HIPK3: variants seen among roughly 807,000 people sequenced by gnomAD.
HIPK3 encodes the protein homeodomain interacting protein kinase 3, also known as homeodomain-interacting protein kinase 3.
HIPK3 carries 47 observed loss-of-function variants against 124.2 expected under a neutral mutation model. The observed-to-expected ratio is 0.38, with a 90% CI of 0.30 to 0.48. HIPK3 has a LOEUF of 0.48. HIPK3 is among the 20% of genes least tolerant of loss of function. The pLI, the probability that HIPK3 is intolerant of heterozygous loss-of-function variation, is 0.98. For missense variants in HIPK3, 1,286 were observed against 1,454.3 expected (o/e 0.88, Z 1.88); for synonymous variants, 482 against 515.2 (o/e 0.94, Z 0.87).
chr11:33,286,132 TTTG>T (rs1316234162), intron 1 of HIPK3, among the ~76,000 whole-genome samples: 1 of 152,198 alleles, frequency 6.6e-6, no homozygotes, highest in African/African-American at 2.4e-5. Context: ...TCAGTAAATA[TTTG>T]TTAAGTAATT....
intron 1 of HIPK3, among the ~76,000 whole-genome samples, chr11:33,272,035 G>A (rs1234917530): frequency 6.6e-6 from 1 of 152,196 alleles, no homozygotes; most frequent in Non-Finnish European, 1.5e-5. Flanking sequence ...CTCAAAAAAT[G>A]TGTCACTTAA....
At chr11:33,285,324 T>C (rs1009691355) in intron 1 of HIPK3, among the ~76,000 whole-genome samples, 2 of 130 alleles carry the variant, frequency 0.015, no homozygotes, top group African/African-American at 0.02. Context: ...ATTTCAAATA[T>C]TTTCCAATAT....
chr11:33,351,598 C>CT lies in HIPK3; in HGVS notation c.2808-5dup. On this transcript the variant is annotated splice_polypyrimidine_tract_variant and intron_variant, in intron 14 of 16. Coordinates refer to ENST00000303296, the MANE Select transcript of HIPK3 (RefSeq NM_005734.5). ...AAATATCACTCATAAAAAATGCTTT[C>CT]TTTTTGTAGTATGTCAGATGAAGAG... 6.2e-7 allele frequency: 1 copy of CT among 1,602,734 alleles called. No homozygotes were observed.
At chr11:33,310,806 G>T (rs1852314435) in intron 2 of HIPK3, among the ~76,000 whole-genome samples, 2 of 152,168 alleles carry the variant, frequency 1.3e-5, no homozygotes, top group African/African-American at 4.8e-5. Flanking sequence ...TCTTCCTCCA[G>T]AGAAAATGCA....
chr11:33,349,189 G>A lies in HIPK3; in HGVS notation c.2709G>A (p.Leu903=). 6.2e-7 allele frequency: 1 copy of A among 1,613,912 alleles called. No homozygotes were observed. Among genetic ancestry groups the A allele is most frequent in the Non-Finnish European group, 8.5e-7 (1 of 1,179,814 alleles). ...ATTGTGAAGCTTGCCAGAGCACTTT[G>A]AATATTGATCGGATGTGTTCATTAA... ...SLDCEACQST[L]NIDRMCSLSS... is the part of the protein sequence containing the mutation. The change falls in exon 14 of 17, where the codon TTG becomes TTA. Residue 903 remains leucine, a synonymous_variant. Transcript: ENST00000303296.
chr11:33,279,284 C>G lies in HIPK3; in HGVS notation c.-2-7129C>G, dbSNP rs201008556. Among the ~76,000 whole-genome samples, 5 of 141,424 alleles carry G rather than the reference C, an allele frequency of 3.5e-5. No homozygotes were observed. The East Asian group carries it at 1.0e-3, about 30-fold the overall frequency. The allele number at this position is 141,424 out of a possible 152,430, so 92.8% of individuals were successfully genotyped here. ...GAGCTGTGATCACGCTACTGCACTC[C>G]AGCACTCCAGCGCAGGCAACAGAGG... On this transcript the variant is annotated intron_variant, in intron 1 of 16. Coordinates refer to ENST00000303296, the MANE Select transcript of HIPK3 (RefSeq NM_005734.5).
At chr11:33,350,886 T>C (rs769304462) in intron 14 of HIPK3, among the ~76,000 whole-genome samples, 1 of 152,166 alleles carries the variant, frequency 6.6e-6, no homozygotes, top group Non-Finnish European at 1.5e-5. Context: ...GTTTGAAAAT[T>C]GATAATGTAC....
upstream of HIPK3, chr11:33,257,226 C>G (rs549997977): frequency 2.0e-4 from 195 of 983,458 alleles, 1 homozygote; most frequent in East Asian, 0.018. Flanking sequence ...GACTGGCGGG[C>G]GGACCCCGGG....
rs58073130 is a variant in HIPK3 at position 33,342,102 on chromosome 11, CAAAAAAAAAA to C, written c.1897+432_1897+441del. Among the ~76,000 whole-genome samples the C allele has an allele frequency of 9.0e-5, 5 of 55,616 alleles. No individual in the cohort carries two copies. The South Asian group carries it at 2.3e-3, about 25-fold the overall frequency. The allele number at this position is 55,616 out of a possible 152,430, so 36.5% of individuals were successfully genotyped here. A position where few individuals can be genotyped will look rare whatever the true frequency, so the allele number is the denominator to read the frequency against. On this transcript the variant is annotated intron_variant, in intron 8 of 16. Transcript: ENST00000303296. Reference sequence around the variant, plus strand: ...TGGGCGACAGAGTGAGACTCTGTCTCAAAAAAAAAAAAAAAAAAAAAAAAATTTAAGCTGT... The same window carrying C: ...TGGGCGACAGAGTGAGACTCTGTCTCAAAAAAAAAAAAAAATTTAAGCTGT...
intron 2 of HIPK3, among the ~76,000 whole-genome samples, chr11:33,313,460 G>A (rs1296346766): frequency 1.3e-5 from 2 of 151,984 alleles, no homozygotes; most frequent in Non-Finnish European, 2.9e-5. Flanking sequence ...GAAGTAAAGG[G>A]GTACAGTGTC....
Position 33,347,752 on chromosome 11 carries a change from G to T in HIPK3, c.2143G>T (p.Gly715Trp). The T allele has an allele frequency of 1.2e-6, 2 of 1,613,454 alleles. No homozygotes were observed. The highest frequency in any genetic ancestry group is 1.3e-5 in the African/African-American group (1 of 75,008). The part of the protein sequence containing the change: ...VAGSHRLGDW[G>W]KMISCSNHYN... ...TGGTTCACACAGGCTTGGAGACTGG[G>T]GGTAAGCTGAAAACAAAAGTACTTT... Residue 715 changes from glycine (G) to tryptophan (W), a missense_variant and splice_region_variant, in exon 10 of 17, where the codon GGG (glycine) becomes TGG (tryptophan). Gly to Trp is a radical substitution (Grantham distance 184). This residue lies in a region of HIPK3 where 810 missense variants were observed against 864.9 expected (regional missense o/e 0.94). Transcript: ENST00000303296.
intron 2 of HIPK3, among the ~76,000 whole-genome samples, chr11:33,304,425 C>T (rs1470475868): frequency 3.3e-5 from 5 of 152,112 alleles, no homozygotes; most frequent in Admixed American, 2.6e-4. Flanking sequence ...GGCTTGGTGG[C>T]GCATGCCTGT....
chr11:33,258,699 C>T, intron 1 of HIPK3: 2 of 985,306 alleles, frequency 2.0e-6, no homozygotes, highest in Non-Finnish European at 1.2e-6. Context: ...TGGTATGTGG[C>T]TCTCGGGGAA....
chr11:33,336,047 G>A (rs762166402), intron 3 of HIPK3, among the ~76,000 whole-genome samples: 20 of 152,130 alleles, frequency 1.3e-4, no homozygotes, highest in Non-Finnish European at 2.4e-4. Context: ...AAAATGGAAA[G>A]TAAATGCATA....
At chr11:33,267,732 G>A (rs1327690698) in intron 1 of HIPK3, among the ~76,000 whole-genome samples, 23 of 149,276 alleles carry the variant, frequency 1.5e-4, no homozygotes, top group African/African-American at 3.4e-4. Flanking sequence ...TCCTGACCTC[G>A]TGATCCGCCC....
intron 1 of HIPK3, among the ~76,000 whole-genome samples, chr11:33,285,361 CATATAATAA>C (rs1211187316): frequency 6.6e-6 from 1 of 151,870 alleles, no homozygotes; most frequent in African/African-American, 2.4e-5. Flanking sequence ...AAGGAATATC[CATATAATAA>C]AGTACACATT....
At chr11:33,347,583 TACTTATA>T in intron 9 of HIPK3, 39 bp from the exon 10 acceptor site, 1 of 1,594,594 alleles carries the variant, frequency 6.3e-7, no homozygotes, top group Non-Finnish European at 8.6e-7. Context: ...AAAGTTCAAT[TACTTATA>T]ACTTGTTATT....
chr11:33,327,248 T>C lies in HIPK3; in HGVS notation c.1098-1262T>C, dbSNP rs137922345. On this transcript the variant is annotated intron_variant, in intron 2 of 16. Transcript: ENST00000303296. ...TATTAGTAATGGAACATATCAGAAT[T>C]GCATGCCTAATAAGATACAATGAGA... Among the ~76,000 whole-genome samples the C allele has an allele frequency of 2.0e-5, 3 of 152,214 alleles. No homozygotes were observed. The East Asian group carries it at 5.8e-4, about 29-fold the overall frequency.
intron 2 of HIPK3, among the ~76,000 whole-genome samples, chr11:33,287,973 T>C (rs1187506179): frequency 6.6e-6 from 1 of 152,144 alleles, no homozygotes; most frequent in East Asian, 1.9e-4. Flanking sequence ...GGGCCAGAAG[T>C]GTTTTGGATT....
Sources: allele counts gnomAD v4.1 joint callset (sites outside exome capture counted in the v4.1 genomes callset), GRCh38; gene constraint gnomAD v4.1.1; regional missense constraint gnomAD v4.1.1; transcripts MANE v1.5; gene names NCBI Gene and HGNC (gene_info 2026-07-23, HGNC 2026-07-21).